Variants in KCNH2 observed in about 807,000 individuals in gnomAD.
The protein encoded by KCNH2 is potassium voltage-gated channel subfamily H member 2, also known as voltage-gated inwardly rectifying potassium channel KCNH2.
In KCNH2, 35 loss-of-function variants were observed where a neutral mutation model predicts 95.9. The observed-to-expected ratio is 0.37, with a 90% CI of 0.28 to 0.48. KCNH2 has a LOEUF of 0.48. Among genes scored for constraint, KCNH2 ranks in the 20% least tolerant of loss-of-function variants. The probability of loss-of-function intolerance (pLI) is 0.99; values close to 1 mark genes in which losing one functional copy is unlikely to be tolerated. For synonymous variants in KCNH2, 786 were observed against 754.7 expected, an observed-to-expected ratio of 1.04 and a Z score of -0.68; for missense variants, 1,274 against 1,702.9, an observed-to-expected ratio of 0.75 and a Z score of 4.43.
At chr7:150,966,391 CCA>C (rs770069016) in intron 2 of KCNH2, among the ~76,000 whole-genome samples, 1,456 of 75,686 alleles carry the variant, frequency 0.019, 35 homozygotes, top group South Asian at 0.026. Flanking sequence ...TCCCCCCCCC[CCA>C]CACACACACA....
rs972764427 is a variant in KCNH2, at chr7:150,961,234, G to C, written c.308-1498C>G. ...ATGCTGACAGGGAGGCTGCAGGCAT[G>C]GGGGAGAGGCAAGGGTGACAAACCA... On this transcript the variant is annotated intron_variant, in intron 2 of 14. Transcript: ENST00000262186. The surrounding 1 kb of genome is among the most constrained non-coding windows in gnomAD (Gnocchi z 6.2). 2.0e-5 allele frequency among the ~76,000 whole-genome samples: 3 copies of C among 152,146 alleles called. No individual in the cohort carries two copies. Among genetic ancestry groups the C allele is most frequent in the Non-Finnish European group, 4.4e-5 (3 of 68,020 alleles).
At chr7:150,948,419 C>CCCCAACAA in intron 11 of KCNH2, 25 bp downstream of exon 11, 4 of 1,297,842 alleles carry the variant, frequency 3.1e-6, no homozygotes, top group East Asian at 2.4e-5. Flanking sequence ...CCCGCCCTCC[C>CCCCAACAA]CCTTCCTCCC....
chr7:150,955,922 C>G, intron 5 of KCNH2: 1 of 868,894 alleles, frequency 1.2e-6, no homozygotes, highest in Non-Finnish European at 1.4e-6. Context: ...CCGCAGCCCG[C>G]CCAGGCTCCT....
At chr7:150,965,994 T>C (rs906396706) in intron 2 of KCNH2, among the ~76,000 whole-genome samples, 11 of 152,334 alleles carry the variant, frequency 7.2e-5, no homozygotes, top group African/African-American at 2.4e-4. Flanking sequence ...AAGGTGCCTT[T>C]TGATGAAGCA....
intron 2 of KCNH2, among the ~76,000 whole-genome samples, chr7:150,960,961 C>T (rs897800472): frequency 6.6e-6 from 1 of 151,966 alleles, no homozygotes; most frequent in African/African-American, 2.4e-5. Flanking sequence ...CTCCTGCCCA[C>T]AGGAAGTCCT....
chr7:150,950,811 T>A (rs1801119451), intron 8 of KCNH2, 110 bp downstream of exon 8: 7 of 1,177,554 alleles, frequency 5.9e-6, no homozygotes, highest in African/African-American at 1.5e-5. Context: ...TCCAGGGTCC[T>A]TACTACTGAC....
At position 150,948,907 on chromosome 7, in the gene KCNH2, C is replaced by A. The variant is rs866263680; in HGVS notation, c.2541G>T (p.Glu847Asp). Reference protein sequence around the residue: ...DLLEVLDMYPEFSDHFWSSLE... With the variant: ...DLLEVLDMYPDFSDHFWSSLE... ...GGCTGGACCAGAAGTGGTCGGAGAACTCAGGGTACATGTCCAGCACCTCCA... is the reference window on the plus strand; with the variant it reads ...GGCTGGACCAGAAGTGGTCGGAGAAATCAGGGTACATGTCCAGCACCTCCA... The change falls in exon 10 of 15, where the codon GAG (glutamate) becomes GAT (aspartate). Residue 847 changes from glutamate to aspartate, a missense_variant. Glu to Asp is a conservative substitution (Grantham distance 45). Around this residue, in one of 7 missense-constraint regions of KCNH2, gnomAD observed 159 missense variants for 282.5 expected, o/e 0.56. Coordinates refer to ENST00000262186, the MANE Select transcript of KCNH2 (RefSeq NM_000238.4). The A allele has an allele frequency of 1.9e-6, 3 of 1,614,216 alleles. No homozygotes were observed. The highest frequency in any genetic ancestry group is 3.3e-4 in the Middle Eastern group (2 of 6,062).
rs1471591552 is a variant in KCNH2, at chr7:150,962,286, C to T, written c.308-2550G>A. Among the ~76,000 whole-genome samples, 1 of 152,202 alleles carries T rather than the reference C, an allele frequency of 6.6e-6. No homozygotes were observed. Among genetic ancestry groups the T allele is most frequent in the East Asian group, 1.9e-4 (1 of 5,196 alleles). On this transcript the variant is annotated intron_variant, in intron 2 of 14. Transcript: ENST00000262186. This position sits in a 1 kb window ranked among gnomAD's most constrained non-coding sequence, Gnocchi z 5.7. The stretch of plus-strand genomic sequence containing the variant: ...TTAGCCCAAGAGACCCCAGCACCCA[C>T]CCCAGGGACCACAGCCAGCCAGGCC...
rs1440948120 is a variant in KCNH2, at chr7:150,971,743, G to A, written c.307+2968C>T. Among the ~76,000 whole-genome samples, 3 of 152,022 alleles carry A rather than the reference G, an allele frequency of 2.0e-5. No individual in the cohort carries two copies. The East Asian group carries it at 5.8e-4, about 30-fold the overall frequency. Reference sequence around the variant, plus strand: ...GAAGACAAAGGCAAGGAGATGTGGGGAGTGAGAGAGGAGCCGAGAAGGTGG... The same window carrying A: ...GAAGACAAAGGCAAGGAGATGTGGGAAGTGAGAGAGGAGCCGAGAAGGTGG... On this transcript the variant is annotated intron_variant, in intron 2 of 14. Coordinates refer to ENST00000262186, the MANE Select transcript of KCNH2 (RefSeq NM_000238.4).
chr7:150,973,824 G>A (rs955576505), intron 2 of KCNH2, among the ~76,000 whole-genome samples: 2 of 152,196 alleles, frequency 1.3e-5, no homozygotes, highest in African/African-American at 4.8e-5. Flanking sequence ...CCATCTCCAA[G>A]AGCCTAGTGC....
At chr7:150,965,067 C>T (rs569706299) in intron 2 of KCNH2, among the ~76,000 whole-genome samples, 2 of 151,328 alleles carry the variant, frequency 1.3e-5, no homozygotes, top group South Asian at 2.1e-4. Flanking sequence ...TGTGTGTGCG[C>T]GCGTGTGTGT....
intron 2 of KCNH2, among the ~76,000 whole-genome samples, chr7:150,963,991 T>TG (rs1330958286): frequency 3.3e-5 from 5 of 152,206 alleles, no homozygotes; most frequent in South Asian, 2.1e-4. Flanking sequence ...CTACCTGGGG[T>TG]GGGGGGCACT....
chr7:150,967,260 C>A (rs1365036707), intron 2 of KCNH2, among the ~76,000 whole-genome samples: 1 of 152,062 alleles, frequency 6.6e-6, no homozygotes, highest in African/African-American at 2.4e-5. Flanking sequence ...GCCTGGGCAA[C>A]AGAGTAAGAC....
intron 2 of KCNH2, among the ~76,000 whole-genome samples, chr7:150,973,614 G>A (rs1165076271): frequency 6.6e-6 from 1 of 152,210 alleles, no homozygotes. Context: ...CTCTAGTGCC[G>A]TCCAGTGATG....
chr7:150,945,234 G>C lies in KCNH2; in HGVS notation c.*131C>G. 9.6e-7 allele frequency: 1 copy of C among 1,036,968 alleles called. No homozygotes were observed. Among genetic ancestry groups the C allele is most frequent in the Non-Finnish European group, 1.4e-6 (1 of 727,390 alleles). The allele number at this position is 1,036,968 out of a possible 1,614,324, so 64.2% of individuals were successfully genotyped here. On this transcript the variant is annotated 3_prime_UTR_variant, in exon 15 of 15. Coordinates refer to ENST00000262186, the MANE Select transcript of KCNH2 (RefSeq NM_000238.4). The surrounding 1 kb of genome is among the most constrained non-coding windows in gnomAD (Gnocchi z 5.6). Reference sequence around the variant, plus strand: ...CAGGAGAAGATGGTCCCAAGGGCTGGGGGAGGAGCTGTGCTTTCGAGTTCC... The same window carrying C: ...CAGGAGAAGATGGTCCCAAGGGCTGCGGGAGGAGCTGTGCTTTCGAGTTCC...
Position 150,948,994 on chromosome 7 carries a change from C to G in KCNH2, c.2454G>C (p.Ser818=), listed in dbSNP as rs72549418. The G allele has an allele frequency of 4.3e-6, 7 of 1,614,058 alleles. No homozygotes were observed. Among genetic ancestry groups the G allele is most frequent in the Non-Finnish European group, 5.9e-6 (7 of 1,180,022 alleles). The change falls in exon 10 of 15, where the codon TCG becomes TCC. Residue 818 remains serine (S), a synonymous_variant. Coordinates refer to ENST00000262186, the MANE Select transcript of KCNH2 (RefSeq NM_000238.4). ...AGGTGAGGGCCCGCACATCCCCGTT[C>G]GACTTGCCAGGCCTTGCATACAGGT... The part of the protein sequence containing the change: ...PLNLYARPGK[S]NGDVRALTYC...
At chr7:150,947,274 G>A (rs143208332) in intron 13 of KCNH2, 54 bp downstream of exon 13, 9 of 1,432,602 alleles carry the variant, frequency 6.3e-6, no homozygotes, top group African/African-American at 1.4e-5. Flanking sequence ...AACACCGCCA[G>A]GACCTGGACC....
At position 150,948,476 on chromosome 7, in the gene KCNH2, C is replaced by A. The variant is rs199473432; in HGVS notation, c.2660G>T (p.Arg887Leu). 1 of 1,538,492 alleles carries A rather than the reference C, an allele frequency of 6.5e-7. No individual in the cohort carries two copies. Among genetic ancestry groups the A allele is most frequent in the South Asian group, 1.1e-5 (1 of 90,184 alleles). The change falls in exon 11 of 15, where the codon CGC (arginine) becomes CTC (leucine). Residue 887 changes from arginine to leucine, a missense_variant. Arg to Leu is a moderately radical substitution (Grantham distance 102, BLOSUM62 -2). Coordinates refer to ENST00000262186, the MANE Select transcript of KCNH2 (RefSeq NM_000238.4). Reference sequence around the variant, plus strand: ...CGTGCGCCTGCGGAAGGACAACTTGCGCTTGCGTTGCCGACTGAAGCCACC... The same window carrying A: ...CGTGCGCCTGCGGAAGGACAACTTGAGCTTGCGTTGCCGACTGAAGCCACC... ...LEGGFSRQRK[R>L]KLSFRRRTDK...
Position 150,951,070 on chromosome 7 carries a change from G to A in KCNH2, c.1996C>T (p.Leu666=). ...FGNVSAIIQR[L]YSGTARYHTQ... is the part of the protein sequence containing the mutation. ...TGGTAGCGGGCTGTGCCCGAGTACA[G>A]CCGCTGGATGATGGCCGACACGTTG... The change falls in exon 8 of 15, where the codon CTG becomes TTG. Residue 666 remains leucine (L), a synonymous_variant. Transcript: ENST00000262186. The A allele has an allele frequency of 6.2e-7, 1 of 1,613,644 alleles. No individual in the cohort carries two copies. The highest frequency in any genetic ancestry group is 8.5e-7 in the Non-Finnish European group (1 of 1,179,710).
Sources: gnomAD v4.1 joint callset for allele counts (sites outside exome capture counted in the v4.1 genomes callset) on GRCh38, gnomAD v4.1.1 for gene constraint, gnomAD v4.1.1 regional missense constraint, Gnocchi (gnomAD v3.1) non-coding constraint, MANE v1.5 for transcripts, NCBI Gene and HGNC (gene_info 2026-07-23, HGNC 2026-07-21) for gene names.